DNM3: variants seen among roughly 807,000 people sequenced by gnomAD.
DNM3 encodes dynamin 3.
A neutral mutation model predicts 101.6 loss-of-function variants in DNM3; 47 were observed. The ratio of observed to expected loss-of-function variants is 0.46; its 90% CI spans 0.37 to 0.59. The LOEUF (loss-of-function observed/expected upper bound fraction) is 0.59, where lower values mean the gene tolerates loss of function less well. Ranked by LOEUF, DNM3 falls within the 20% of genes least tolerant of loss-of-function variation. DNM3 has a pLI of 0.00. For synonymous variants in DNM3, 385 were observed against 387.9 expected (o/e 0.99, Z 0.09); for missense variants, 849 against 1,085.7 (o/e 0.78, Z 3.06).
chr1:172,099,882 T>A (rs536686091), intron 13 of DNM3, among the ~76,000 whole-genome samples: 45 of 152,216 alleles, frequency 3.0e-4, no homozygotes, highest in Middle Eastern at 3.4e-3. Flanking sequence ...TGAAAACAAA[T>A]GGGGATGAAA....
chr1:172,227,068 C>G (rs752301419), intron 14 of DNM3, among the ~76,000 whole-genome samples: 1 of 151,538 alleles, frequency 6.6e-6, no homozygotes, highest in Non-Finnish European at 1.5e-5. Flanking sequence ...CACTCTCCCC[C>G]TCTCTGAGTC....
At position 172,411,735 on chromosome 1, in the gene DNM3, C is replaced by A. The variant is rs4916255; in HGVS notation, c.*3894C>A. 886,958 of 985,078 alleles carry A rather than the reference C, an allele frequency of 0.9. 399,484 individuals are homozygous for A. Among genetic ancestry groups the A allele is most frequent in the East Asian group, 1 (8,766 of 8,802 alleles). 61.0% of individuals were successfully genotyped at this position (985,078 alleles called of 1,614,324 possible). ...TCCTCAGAATGAAGAATAAAGCCTA[C>A]TAGGTCTCTAACTGTTGAACTCATG... On this transcript the variant is annotated 3_prime_UTR_variant, in exon 21 of 21. Coordinates refer to ENST00000627582, the MANE Select transcript of DNM3 (RefSeq NM_015569.5).
downstream of DNM3, among the ~76,000 whole-genome samples, chr1:172,414,902 TAAA>T (rs138381362): frequency 0.071 from 8,422 of 119,196 alleles, 554 homozygotes; most frequent in Middle Eastern, 0.15. Flanking sequence ...ACCTCATCTC[TAAA>T]AAAAAAAAAA....
intron 14 of DNM3, among the ~76,000 whole-genome samples, chr1:172,210,589 T>G (rs1428081360): frequency 6.6e-6 from 1 of 152,058 alleles, no homozygotes; most frequent in Non-Finnish European, 1.5e-5. Flanking sequence ...TAATAAAGTA[T>G]AAAGTTACAT....
chr1:172,016,614 A>G (rs1004353230), intron 4 of DNM3, among the ~76,000 whole-genome samples: 1 of 152,226 alleles, frequency 6.6e-6, no homozygotes, highest in African/African-American at 2.4e-5. Context: ...CTGGTTTTAT[A>G]GAAAGAGTTA....
intron 14 of DNM3, among the ~76,000 whole-genome samples, chr1:172,187,770 C>T (rs2059576459): frequency 6.6e-6 from 1 of 151,942 alleles, no homozygotes. Context: ...TTCTCCTTTC[C>T]TATTTTTCTT....
In DNM3 at chr1:172,081,961, A is replaced by G. The variant is rs375035062; in HGVS notation, c.1493+59A>G. The G allele has an allele frequency of 3.9e-6, 6 of 1,536,706 alleles. No individual in the cohort carries two copies. The African/African-American group carries it at 4.1e-5, about 10-fold the overall frequency. ...TCCTGTTGATTTGTCTCAAACACACATTGTGAATTTTTACTACAGTTTCAC... is the reference window on the plus strand; with the variant it reads ...TCCTGTTGATTTGTCTCAAACACACGTTGTGAATTTTTACTACAGTTTCAC... On this transcript the variant is annotated intron_variant, in intron 12 of 20. Coordinates refer to ENST00000627582, the MANE Select transcript of DNM3 (RefSeq NM_015569.5).
chr1:172,019,062 TTC>T (rs1478238150), intron 4 of DNM3, among the ~76,000 whole-genome samples: 7 of 143,048 alleles, frequency 4.9e-5, no homozygotes, highest in Non-Finnish European at 1.1e-4. Flanking sequence ...CTTCCCTCCC[TTC>T]TTTCCTTTTT....
chr1:172,385,550 C>A (rs749532935), intron 18 of DNM3, among the ~76,000 whole-genome samples: 1 of 152,168 alleles, frequency 6.6e-6, no homozygotes, highest in Non-Finnish European at 1.5e-5. Flanking sequence ...AAAATATGTA[C>A]AGAAAACACT....
chr1:172,265,391 C>T (rs1324010398), intron 15 of DNM3, among the ~76,000 whole-genome samples: 1 of 152,126 alleles, frequency 6.6e-6, no homozygotes, highest in African/African-American at 2.4e-5. Flanking sequence ...GCAGTGACTT[C>T]AGCACTTGAG....
At chr1:172,224,866 C>T (rs1006657278) in intron 14 of DNM3, among the ~76,000 whole-genome samples, 1 of 152,212 alleles carries the variant, frequency 6.6e-6, no homozygotes, top group African/African-American at 2.4e-5. Context: ...ATCCAGCCCT[C>T]TTGCCTTGGG....
intron 15 of DNM3, among the ~76,000 whole-genome samples, chr1:172,291,687 G>A (rs963696548): frequency 2.0e-5 from 3 of 152,162 alleles, no homozygotes; most frequent in African/African-American, 7.2e-5. Flanking sequence ...CAGAATTGTA[G>A]TAAGGATGTC....
exon 21 of DNM3, chr1:172,418,320 C>G (rs2071503054): frequency 7.8e-7 from 1 of 1,288,866 alleles, no homozygotes; most frequent in African/African-American, 1.5e-5. Context: ...CATCCTAACC[C>G]CCATCATTCA....
chr1:172,204,089 GCT>G (rs2060246050), intron 14 of DNM3, among the ~76,000 whole-genome samples: 1 of 152,116 alleles, frequency 6.6e-6, no homozygotes, highest in African/African-American at 2.4e-5. Flanking sequence ...ATCTCCCAGT[GCT>G]ATGGCATATT....
At chr1:172,065,113 C>A (rs1325273041) in intron 10 of DNM3, among the ~76,000 whole-genome samples, 1 of 152,196 alleles carries the variant, frequency 6.6e-6, no homozygotes, top group Non-Finnish European at 1.5e-5. Flanking sequence ...ATATTCTTGT[C>A]ATTTTGGCCT....
chr1:172,325,604 A>C (rs568596758), intron 17 of DNM3, among the ~76,000 whole-genome samples: 2 of 152,162 alleles, frequency 1.3e-5, no homozygotes, highest in South Asian at 4.1e-4. Flanking sequence ...TTTCAGTATA[A>C]ATGGAAAATA....
chr1:172,128,665 G>A (rs1463244410), intron 13 of DNM3, among the ~76,000 whole-genome samples: 1 of 151,818 alleles, frequency 6.6e-6, no homozygotes, highest in Non-Finnish European at 1.5e-5. Context: ...GTGTTTATTT[G>A]AACACTTATG....
chr1:172,267,559 A>G (rs547188276), intron 15 of DNM3, among the ~76,000 whole-genome samples: 2 of 152,310 alleles, frequency 1.3e-5, no homozygotes, highest in East Asian at 3.9e-4. Flanking sequence ...CCTTTAAGAA[A>G]AAAAAAAGCA....
chr1:171,853,311 G>A (rs187487309), intron 1 of DNM3, among the ~76,000 whole-genome samples: 4 of 151,852 alleles, frequency 2.6e-5, no homozygotes, highest in Non-Finnish European at 5.9e-5. Flanking sequence ...CCACAAGTCC[G>A]CACCACCATG....
Sources: allele counts gnomAD v4.1 joint callset (sites outside exome capture counted in the v4.1 genomes callset), GRCh38; gene constraint gnomAD v4.1.1; transcripts MANE v1.5; gene names NCBI Gene and HGNC (gene_info 2026-07-23, HGNC 2026-07-21).